Variants in TBCK observed in about 807,000 individuals in gnomAD.
TBCK encodes TBC domain-containing protein kinase-like protein.
In TBCK, 99 loss-of-function variants were observed where a neutral mutation model predicts 113.4. The ratio of observed to expected loss-of-function variants is 0.87; its 90% CI spans 0.74 to 1.03. The LOEUF (loss-of-function observed/expected upper bound fraction) is 1.03. Among genes scored for constraint, TBCK ranks in the 50% least tolerant of loss-of-function variants. The pLI is 0.00. For missense variants in TBCK, 1,045 were observed against 1,061.3 expected, an observed-to-expected ratio of 0.98 and a Z score of 0.21; for synonymous variants, 369 against 370.8, an observed-to-expected ratio of 1.00 and a Z score of 0.05.
intron 25 of TBCK, among the ~76,000 whole-genome samples, chr4:106,089,841 G>T (rs1431277588): frequency 6.6e-6 from 1 of 152,230 alleles, no homozygotes; most frequent in Non-Finnish European, 1.5e-5. Flanking sequence ...CCTTGGACAG[G>T]TTTGTCCCTG....
At position 106,066,993 on chromosome 4, in the gene TBCK, T is replaced by C. The variant is rs538968174; in HGVS notation, c.2572-20313A>G. On this transcript the variant is annotated intron_variant, in intron 25 of 25. Coordinates refer to ENST00000394708, the MANE Select transcript of TBCK (RefSeq NM_001163435.3). ...ATGAACATTGGTGTACAATATCTGTTTGAGTCCCTGTTTTCAATTCTTTTT... is the reference window on the plus strand; with the variant it reads ...ATGAACATTGGTGTACAATATCTGTCTGAGTCCCTGTTTTCAATTCTTTTT... Among the ~76,000 whole-genome samples the C allele has an allele frequency of 2.6e-4, 39 of 152,258 alleles. No homozygotes were observed. In the South Asian group the frequency reaches 7.9e-3, roughly 31 times the overall value.
At chr4:106,168,775 C>CTA (rs1234896543) in intron 23 of TBCK, among the ~76,000 whole-genome samples, 12 of 151,584 alleles carry the variant, frequency 7.9e-5, no homozygotes, top group East Asian at 5.8e-4. Flanking sequence ...ATAAGTCTAA[C>CTA]TATATATATA....
At chr4:106,307,263 G>T (rs1447876633) in intron 2 of TBCK, among the ~76,000 whole-genome samples, 4 of 152,090 alleles carry the variant, frequency 2.6e-5, no homozygotes, top group Non-Finnish European at 4.4e-5. Context: ...TGACTTAATT[G>T]CTCTGTGGTT....
In TBCK at chr4:106,074,498, G is replaced by C. The variant is rs71599096; in HGVS notation, c.2571+20984C>G. ...TAAAATCTTCACAAGAATTCTGTGAGGTAGGTATTTTTAGCCCCTTTTATG... is the reference window on the plus strand; with the variant it reads ...TAAAATCTTCACAAGAATTCTGTGACGTAGGTATTTTTAGCCCCTTTTATG... On this transcript the variant is annotated intron_variant, in intron 25 of 25. Transcript: ENST00000394708. Among the ~76,000 whole-genome samples the C allele has an allele frequency of 7.1e-3, 1,074 of 152,242 alleles. 11 individuals carry two copies. Among genetic ancestry groups the C allele is most frequent in the Non-Finnish European group, 9.9e-3 (674 of 68,016 alleles).
chr4:106,177,789 A>G (rs1459731624), intron 22 of TBCK, among the ~76,000 whole-genome samples: 1 of 151,804 alleles, frequency 6.6e-6, no homozygotes, highest in East Asian at 1.9e-4. Flanking sequence ...CCCTTTACTC[A>G]AGATTGCTTT....
intron 25 of TBCK, among the ~76,000 whole-genome samples, chr4:106,077,362 A>T (rs186411812): frequency 1.6e-4 from 25 of 152,356 alleles, no homozygotes; most frequent in African/African-American, 6.0e-4. Context: ...CCTCGATTAA[A>T]TGGTATAGAG....
chr4:106,171,240 G>C lies in TBCK; in HGVS notation c.2090C>G (p.Ser697Cys), dbSNP rs1750972016. The C allele has an allele frequency of 9.9e-6, 16 of 1,611,014 alleles. No individual in the cohort carries two copies. The highest frequency in any genetic ancestry group is 1.2e-5 in the Non-Finnish European group (14 of 1,178,892). The stretch of plus-strand genomic sequence containing the variant: ...AGGAGTCCAACAAAACAGGTTGATA[G>C]ATTCTCTCACACAGCGTTCAATGTC... The part of the protein sequence containing the change: ...EIDIERCVRE[S>C]INLFCWTPKS... The change falls in exon 23 of 26, where the codon TCT (serine) becomes TGT (cysteine). Residue 697 changes from serine to cysteine, a missense_variant. Ser to Cys is a moderately radical substitution (Grantham distance 112). Transcript: ENST00000394708.
intron 2 of TBCK, 133 bp downstream of exon 2, chr4:106,308,635 A>G (rs1579590180): frequency 1.0e-5 from 8 of 788,206 alleles, no homozygotes; most frequent in Non-Finnish European, 1.9e-6. Context: ...AGGGTGGGGG[A>G]AAAGGATGAG....
At chr4:106,298,341 C>T (rs1212116990) in intron 2 of TBCK, among the ~76,000 whole-genome samples, 3 of 151,904 alleles carry the variant, frequency 2.0e-5, no homozygotes, top group South Asian at 2.1e-4. Context: ...TGGCCGGGCA[C>T]GGTAGCTCAC....
At chr4:106,199,502 G>A (rs1219719938) in intron 20 of TBCK, among the ~76,000 whole-genome samples, 1 of 151,736 alleles carries the variant, frequency 6.6e-6, no homozygotes, top group African/African-American at 2.4e-5. Context: ...CCCTATTTCA[G>A]CTCCATCCCT....
At chr4:106,147,869 C>T (rs977488119) in intron 23 of TBCK, among the ~76,000 whole-genome samples, 1 of 152,176 alleles carries the variant, frequency 6.6e-6, no homozygotes, top group East Asian at 1.9e-4. Flanking sequence ...AGTCATATTT[C>T]TCTTCTTTCA....
chr4:106,197,114 A>G (rs1754319866), intron 20 of TBCK, among the ~76,000 whole-genome samples: 1 of 152,050 alleles, frequency 6.6e-6, no homozygotes, highest in African/African-American at 2.4e-5. Context: ...AAATTGCCCA[A>G]TTTACTGCAT....
intron 25 of TBCK, among the ~76,000 whole-genome samples, chr4:106,049,905 G>T (rs1734625378): frequency 6.6e-6 from 1 of 151,994 alleles, no homozygotes; most frequent in Non-Finnish European, 1.5e-5. Context: ...CCCTTTCCCA[G>T]GTGATTCTAA....
intron 22 of TBCK, among the ~76,000 whole-genome samples, chr4:106,182,883 T>A (rs1416062461): frequency 6.6e-6 from 1 of 152,068 alleles, no homozygotes; most frequent in Non-Finnish European, 1.5e-5. Flanking sequence ...TGACATAAAA[T>A]AAAATTATAG....
intron 25 of TBCK, among the ~76,000 whole-genome samples, chr4:106,077,652 A>G (rs1738364645): frequency 6.6e-6 from 1 of 152,226 alleles, no homozygotes; most frequent in South Asian, 2.1e-4. Flanking sequence ...GAGTTCCCAG[A>G]TCCATAAAAA....
At chr4:106,235,211 C>G in intron 15 of TBCK, 58 bp downstream of exon 15, 2 of 1,119,564 alleles carry the variant, frequency 1.8e-6, no homozygotes, top group Non-Finnish European at 2.5e-6. Context: ...AAGCACTCTC[C>G]TTCTCCATCC....
At chr4:106,062,928 TA>T (rs1560593639) in intron 25 of TBCK, among the ~76,000 whole-genome samples, 2 of 151,922 alleles carry the variant, frequency 1.3e-5, no homozygotes, top group Admixed American at 6.6e-5. Context: ...GGATTAGGTG[TA>T]TTAAGGCCCT....
intron 22 of TBCK, among the ~76,000 whole-genome samples, chr4:106,181,405 G>A (rs1208170898): frequency 6.6e-6 from 1 of 152,074 alleles, no homozygotes; most frequent in African/African-American, 2.4e-5. Flanking sequence ...GGCTTTTGTT[G>A]CCATTGCTTT....
At chr4:106,079,096 A>G (rs1414041413) in intron 25 of TBCK, among the ~76,000 whole-genome samples, 2 of 152,250 alleles carry the variant, frequency 1.3e-5, no homozygotes, top group Admixed American at 1.3e-4. Flanking sequence ...CAATAAATGT[A>G]GAAAAGGTCT....
Sources: gnomAD v4.1 joint callset for allele counts (sites outside exome capture counted in the v4.1 genomes callset) on GRCh38, gnomAD v4.1.1 for gene constraint, MANE v1.5 for transcripts, NCBI Gene and HGNC (gene_info 2026-07-23, HGNC 2026-07-21) for gene names.